The following AGMO variants were observed in gnomAD, a reference collection of about 807,000 sequenced individuals.
The protein encoded by AGMO is alkylglycerol monooxygenase.
A neutral mutation model predicts 60.2 loss-of-function variants in AGMO; 75 were observed. The ratio of observed to expected loss-of-function variants is 1.25; its 90% CI spans 1.03 to 1.51. The LOEUF (loss-of-function observed/expected upper bound fraction) is 1.51. AGMO is among the 40% of genes most tolerant of loss of function. AGMO has a pLI of 0.00. For missense variants in AGMO, 763 were observed against 525.5 expected, an observed-to-expected ratio of 1.45 and a Z score of -4.42; for synonymous variants, 261 against 177.1, an observed-to-expected ratio of 1.47 and a Z score of -3.76.
chr7:15,518,237 G>T (rs1783876565), intron 3 of AGMO, among the ~76,000 whole-genome samples: 1 of 152,122 alleles, frequency 6.6e-6, no homozygotes, highest in Non-Finnish European at 1.5e-5. Flanking sequence ...GCAGCTGTGG[G>T]CGCAGCTTCA....
intron 12 of AGMO, among the ~76,000 whole-genome samples, chr7:15,261,823 C>A (rs1563059259): frequency 6.6e-6 from 1 of 151,938 alleles, no homozygotes; most frequent in Non-Finnish European, 1.5e-5. Flanking sequence ...GGGTTTCATA[C>A]CAGGGATGAA....
chr7:15,479,071 G>T (rs981958544), intron 3 of AGMO, among the ~76,000 whole-genome samples: 1 of 152,084 alleles, frequency 6.6e-6, no homozygotes, highest in Non-Finnish European at 1.5e-5. Flanking sequence ...TTCATGCATA[G>T]TTTTCATCAA....
At chr7:15,247,459 C>CACACAGAGAGAGAGAGAG (rs139642069) in intron 12 of AGMO, among the ~76,000 whole-genome samples, 3 of 115,280 alleles carry the variant, frequency 2.6e-5, no homozygotes, top group African/African-American at 7.1e-5. Flanking sequence ...CACACACACA[C>CACACAGAGAGAGAGAGAG]AGAGAGAGAG....
chr7:15,289,745 T>C (rs1784203676), intron 12 of AGMO, among the ~76,000 whole-genome samples: 1 of 152,074 alleles, frequency 6.6e-6, no homozygotes, highest in Admixed American at 6.6e-5. Context: ...AGCTAACTTT[T>C]TTCTGTGGCT....
intron 12 of AGMO, among the ~76,000 whole-genome samples, chr7:15,259,770 AAC>A (rs1783212097): frequency 6.6e-6 from 1 of 151,914 alleles, no homozygotes; most frequent in South Asian, 2.1e-4. Context: ...CCTTAAACAA[AAC>A]AGTTATGAGC....
chr7:15,335,350 ACT>A, intron 12 of AGMO, among the ~76,000 whole-genome samples: 2 of 152,122 alleles, frequency 1.3e-5, no homozygotes, highest in Middle Eastern at 6.8e-3. Flanking sequence ...AACTCATATT[ACT>A]CTTTTTTGAT....
intron 3 of AGMO, among the ~76,000 whole-genome samples, chr7:15,494,980 A>C (rs1407341119): frequency 6.6e-6 from 1 of 152,192 alleles, no homozygotes; most frequent in South Asian, 2.1e-4. Context: ...CAGCTGCCAT[A>C]ATTGTAAATA....
At chr7:15,247,225 T>G (rs2128504967) in intron 12 of AGMO, among the ~76,000 whole-genome samples, 1 of 152,248 alleles carries the variant, frequency 6.6e-6, no homozygotes, top group Non-Finnish European at 1.5e-5. Context: ...TAATAAATGC[T>G]AAACAGCTAT....
intron 5 of AGMO, among the ~76,000 whole-genome samples, chr7:15,397,644 T>A (rs1178035022): frequency 3.3e-5 from 5 of 152,222 alleles, no homozygotes; most frequent in Admixed American, 3.3e-4. Flanking sequence ...CTCTTTCTTT[T>A]TTCTAATCTG....
rs142672197 is a variant in AGMO at position 15,432,436 on chromosome 7, C to G, written c.410-1328G>C. On this transcript the variant is annotated intron_variant, in intron 3 of 12. Coordinates refer to ENST00000342526, the MANE Select transcript of AGMO (RefSeq NM_001004320.2). ...TCAAAATGAAAGTTCTCTGAACAGT[C>G]TGTATAGAGAATTACCAAACAAAAT... Among the ~76,000 whole-genome samples, 1,248 of 148,316 alleles carry G rather than the reference C, an allele frequency of 8.4e-3. 19 individuals are homozygous for G. The highest frequency in any genetic ancestry group is 0.029 in the African/African-American group (1,178 of 40,220).
At chr7:15,354,267 G>C (rs1424393279) in intron 12 of AGMO, among the ~76,000 whole-genome samples, 1 of 135,122 alleles carries the variant, frequency 7.4e-6, no homozygotes, top group Non-Finnish European at 1.6e-5. Flanking sequence ...ATGTGTACAT[G>C]ATAGATGTAT....
intron 3 of AGMO, among the ~76,000 whole-genome samples, chr7:15,507,187 A>G (rs1457251086): frequency 2.0e-5 from 3 of 152,100 alleles, no homozygotes; most frequent in African/African-American, 7.2e-5. Context: ...CTATCAGCAT[A>G]TACAAACTCA....
chr7:15,334,865 G>C (rs1719650607), intron 12 of AGMO, among the ~76,000 whole-genome samples: 1 of 152,090 alleles, frequency 6.6e-6, no homozygotes, highest in Non-Finnish European at 1.5e-5. Flanking sequence ...GCAAAACCTA[G>C]CTATAAATTC....
the AGMO span, among the ~76,000 whole-genome samples, chr7:15,183,538 C>T: frequency 1.3e-5 from 2 of 152,332 alleles, no homozygotes; most frequent in South Asian, 2.1e-4. Flanking sequence ...CCTTGGCTTT[C>T]AGTTCAGTAA....
intron 12 of AGMO, among the ~76,000 whole-genome samples, chr7:15,245,139 A>C (rs368249598): frequency 9.9e-5 from 15 of 152,198 alleles, no homozygotes; most frequent in African/African-American, 3.6e-4. Flanking sequence ...CCAGTACCCT[A>C]GTAGATTAGG....
chr7:15,380,132 T>C (rs990707418), intron 10 of AGMO, among the ~76,000 whole-genome samples: 1 of 152,086 alleles, frequency 6.6e-6, no homozygotes, highest in Non-Finnish European at 1.5e-5. Flanking sequence ...TCACCACTCC[T>C]ATTCAACATA....
At chr7:15,136,739 T>G in the AGMO span, among the ~76,000 whole-genome samples, 1 of 151,984 alleles carries the variant, frequency 6.6e-6, no homozygotes, top group African/African-American at 2.4e-5. Flanking sequence ...TTTATTGTTG[T>G]GTGATGTGTA....
At chr7:15,522,427 T>A (rs759694518) in intron 3 of AGMO, among the ~76,000 whole-genome samples, 1 of 152,140 alleles carries the variant, frequency 6.6e-6, no homozygotes, top group Non-Finnish European at 1.5e-5. Flanking sequence ...GCTGGAAGCA[T>A]CATGCTACCT....
chr7:15,189,218 C>G, the AGMO span, among the ~76,000 whole-genome samples: 1 of 152,008 alleles, frequency 6.6e-6, no homozygotes, highest in African/African-American at 2.4e-5. Flanking sequence ...GGGGAGAAAT[C>G]CAGGGAGGAG....
Sources: gnomAD v4.1 joint callset for allele counts (sites outside exome capture counted in the v4.1 genomes callset) on GRCh38, gnomAD v4.1.1 for gene constraint, MANE v1.5 for transcripts, NCBI Gene and HGNC (gene_info 2026-07-23, HGNC 2026-07-21) for gene names.